Variants in FBXO39 observed in about 807,000 individuals in gnomAD.
FBXO39 encodes the protein F-box only protein 39.
In FBXO39, 22 loss-of-function variants were observed where a neutral mutation model predicts 36.6. The ratio of observed to expected loss-of-function variants is 0.60; its 90% confidence interval spans 0.43 to 0.86. FBXO39 has a LOEUF of 0.86. Among genes scored for constraint, FBXO39 ranks in the 40% least tolerant of loss-of-function variants. FBXO39 has a pLI of 0.00. For synonymous variants in FBXO39, 206 were observed against 205.8 expected (o/e 1.00, Z -0.01); for missense variants, 536 against 543.9 (o/e 0.99, Z 0.14).
rs138181464 is a variant in FBXO39 at position 6,787,253 on chromosome 17, T to TGTGTGTGCGC, written c.1201-46_1201-45insTGTGTGCGCG. ...GTGTGTGTGTATGTGTGTGTGTGTGTGCGTGTGTGCGTGCTCATATGTGGA... is the reference window on the plus strand; with the variant it reads ...GTGTGTGTGTATGTGTGTGTGTGTGTGTGTGTGCGCGCGTGTGTGCGTGCTCATATGTGGA... On this transcript the variant is annotated intron_variant, in intron 3 of 3. Transcript: ENST00000321535. 3,910 of 1,549,284 alleles carry TGTGTGTGCGC rather than the reference T, an allele frequency of 2.5e-3. 16 individuals carry two copies. The highest frequency in any genetic ancestry group is 3.1e-3 in the Non-Finnish European group (3,535 of 1,134,746).
chr17:6,785,676 A>T (rs900495329), intron 2 of FBXO39, among the ~76,000 whole-genome samples: 3 of 152,214 alleles, frequency 2.0e-5, no homozygotes, highest in African/African-American at 4.8e-5. Flanking sequence ...TAATCCAATT[A>T]AAAAATAGGC....
intron 1 of FBXO39, among the ~76,000 whole-genome samples, chr17:6,778,863 A>G (rs185482960): frequency 6.6e-6 from 1 of 152,272 alleles, no homozygotes; most frequent in Non-Finnish European, 1.5e-5. Flanking sequence ...TTCAACAGTT[A>G]CCAAATCGTG....
At position 6,780,721 on chromosome 17, in the gene FBXO39, G is replaced by A. The variant is rs1976497579; in HGVS notation, c.853G>A (p.Val285Met). ...GGCCAGGCAGGCCACCAATCTGAAG[G>A]TGAACTTCTTCTTTGAACGGATCAT... ...KLARQATNLKVNFFFERIMKY... is the reference protein window; with the variant it reads ...KLARQATNLKMNFFFERIMKY... Residue 285 changes from valine to methionine, a missense_variant, in exon 2 of 4, where the codon GTG (valine) becomes ATG (methionine). Val to Met is a conservative substitution (Grantham distance 21). Transcript: ENST00000321535. The A allele has an allele frequency of 6.2e-7, 1 of 1,614,016 alleles. No individual in the cohort carries two copies. The highest frequency in any genetic ancestry group is 1.3e-5 in the African/African-American group (1 of 74,900).
rs541216932 is a variant in FBXO39, at chr17:6,782,060, A to G, written c.1023+1169A>G. Among the ~76,000 whole-genome samples the G allele has an allele frequency of 7.2e-5, 11 of 152,360 alleles. No individual in the cohort carries two copies. In the South Asian group the frequency reaches 2.3e-3, roughly 32 times the overall value. On this transcript the variant is annotated intron_variant, in intron 2 of 3. Coordinates refer to ENST00000321535, the MANE Select transcript of FBXO39 (RefSeq NM_153230.3). Reference sequence around the variant, plus strand: ...GCTGATCGAAAATAATAACAACAACAACTTTTCAAGACATAGACAGTACAG... The same window carrying G: ...GCTGATCGAAAATAATAACAACAACGACTTTTCAAGACATAGACAGTACAG...
rs1451706713 is a variant in FBXO39, at chr17:6,780,633, C to T, written c.765C>T (p.Asn255=). The T allele has an allele frequency of 6.8e-6, 11 of 1,614,044 alleles. No individual in the cohort carries two copies. Among genetic ancestry groups the T allele is most frequent in the Admixed American group, 1.7e-5 (1 of 60,002 alleles). ...CENASTLRTI[N]IKCHVHDPHG... ...ATGCCAGCACCCTCCGGACCATCAA[C>T]ATCAAATGCCACGTTCATGACCCCC... Residue 255 remains asparagine (N), a synonymous_variant, in exon 2 of 4, where the codon AAC becomes AAT. Transcript: ENST00000321535.
chr17:6,784,817 T>C (rs938454345), intron 2 of FBXO39, among the ~76,000 whole-genome samples: 4 of 152,014 alleles, frequency 2.6e-5, no homozygotes. Context: ...ATCAATGTTG[T>C]CAAAATGTTT....
rs551486858 is a variant in FBXO39 at position 6,781,359 on chromosome 17, A to G, written c.1023+468A>G. The stretch of plus-strand genomic sequence containing the variant: ...TAGAATGGGGAGGACCAGGCCAGAC[A>G]AAAAGTCAAATTTGATTTACACAAC... On this transcript the variant is annotated intron_variant, in intron 2 of 3. Transcript: ENST00000321535. 5.3e-5 allele frequency among the ~76,000 whole-genome samples: 8 copies of G among 152,142 alleles called. No individual in the cohort carries two copies. The East Asian group carries it at 1.5e-3, about 29-fold the overall frequency.
intron 3 of FBXO39, 36 bp from the exon 4 acceptor site, chr17:6,787,264 G>A (rs5016848): frequency 0.22 from 353,534 of 1,594,260 alleles, 45,185 homozygotes; most frequent in East Asian, 0.61. Context: ...GCGTGTGTGC[G>A]TGCTCATATG....
At chr17:6,777,761 T>C (rs1013213135) in intron 1 of FBXO39, among the ~76,000 whole-genome samples, 13 of 152,086 alleles carry the variant, frequency 8.5e-5, no homozygotes, top group Admixed American at 2.0e-4. Context: ...GGACACAGAT[T>C]ATACAAAGAG....
In FBXO39 at chr17:6,780,183, C is replaced by T. The variant is rs1257195178; in HGVS notation, c.315C>T (p.Thr105=). The change falls in exon 2 of 4, where the codon ACC becomes ACT. Residue 105 remains threonine, a synonymous_variant. Coordinates refer to ENST00000321535, the MANE Select transcript of FBXO39 (RefSeq NM_153230.3). ...KFMNPYNAVL[T]KKFQVTMRGL... is the part of the protein sequence containing the mutation. ...TGAATCCTTACAATGCTGTCTTGAC[C>T]AAGAAGTTCCAGGTCACCATGCGGG... 1.9e-6 allele frequency: 3 copies of T among 1,614,032 alleles called. No homozygotes were observed. Among genetic ancestry groups the T allele is most frequent in the African/African-American group, 2.7e-5 (2 of 74,888 alleles).
intron 2 of FBXO39, among the ~76,000 whole-genome samples, chr17:6,782,358 AAAG>A (rs1976518707): frequency 6.6e-6 from 1 of 152,196 alleles, no homozygotes; most frequent in Non-Finnish European, 1.5e-5. Flanking sequence ...GGAAGGAAGA[AAAG>A]AAGGAAGAGA....
At chr17:6,787,276 G>A in intron 3 of FBXO39, 24 bp from the exon 4 acceptor site, 5 of 1,609,648 alleles carry the variant, frequency 3.1e-6, no homozygotes, top group South Asian at 1.1e-5. Context: ...GCTCATATGT[G>A]GATGTATTTC....
At chr17:6,777,885 G>A (rs909062328) in intron 1 of FBXO39, among the ~76,000 whole-genome samples, 1 of 152,220 alleles carries the variant, frequency 6.6e-6, no homozygotes, top group Non-Finnish European at 1.5e-5. Context: ...GTCCTTTACG[G>A]AAGTCTGTTC....
chr17:6,781,453 T>G (rs1487468580), intron 2 of FBXO39, among the ~76,000 whole-genome samples: 2 of 152,132 alleles, frequency 1.3e-5, no homozygotes, highest in African/African-American at 4.8e-5. Flanking sequence ...TCAGGATCAT[T>G]TTGTCTTTCC....
In FBXO39 at chr17:6,787,518, T is replaced by C. The variant is rs2151576045; in HGVS notation, c.*90T>C. ...TACACTTGGGCACTGCCGGCCCTTT[T>C]GCTCCTCTCTCTCCCCTCCACTTTT... On this transcript the variant is annotated 3_prime_UTR_variant, in exon 4 of 4. Transcript: ENST00000321535. The C allele has an allele frequency of 6.6e-7, 1 of 1,505,584 alleles. No homozygotes were observed. The highest frequency in any genetic ancestry group is 2.3e-5 in the East Asian group (1 of 43,232). The allele number at this position is 1,505,584 out of a possible 1,614,324, so 93.3% of individuals were successfully genotyped here. A position where few individuals can be genotyped will look rare whatever the true frequency, so the allele number is the denominator to read the frequency against.
chr17:6,787,023 G>A, intron 3 of FBXO39, 67 bp downstream of exon 3: 2 of 1,520,330 alleles, frequency 1.3e-6, no homozygotes, highest in Non-Finnish European at 1.8e-6. Context: ...CTTCTGCTCT[G>A]GAACGAAGGG....
At chr17:6,783,604 T>C (rs574000618) in intron 2 of FBXO39, among the ~76,000 whole-genome samples, 2 of 151,892 alleles carry the variant, frequency 1.3e-5, no homozygotes, top group African/African-American at 2.4e-5. Flanking sequence ...CAAAGGATAA[T>C]TAGAGCCTAT....
At chr17:6,787,238 ATGTGTG>A in intron 3 of FBXO39, 56 bp from the exon 4 acceptor site, 1 of 873,536 alleles carries the variant, frequency 1.1e-6, no homozygotes, top group Non-Finnish European at 1.5e-6. Flanking sequence ...GTGTGTGTGT[ATGTGTG>A]TGTGTGTGTG....
chr17:6,780,162 T>C lies in FBXO39; in HGVS notation c.294T>C (p.Asn98=), dbSNP rs768813963. The C allele has an allele frequency of 1.5e-5, 24 of 1,614,158 alleles. No individual in the cohort carries two copies. Among genetic ancestry groups the C allele is most frequent in the Non-Finnish European group, 1.9e-5 (23 of 1,180,024 alleles). Residue 98 remains asparagine, a synonymous_variant, in exon 2 of 4, where the codon AAT becomes AAC. Coordinates refer to ENST00000321535, the MANE Select transcript of FBXO39 (RefSeq NM_153230.3). Reference sequence around the variant, plus strand: ...AGCACCTGGAGGTCAAATTCATGAATCCTTACAATGCTGTCTTGACCAAGA... The same window carrying C: ...AGCACCTGGAGGTCAAATTCATGAACCCTTACAATGCTGTCTTGACCAAGA... The part of the protein sequence containing the change: ...YLEHLEVKFM[N]PYNAVLTKKF...
Sources: gnomAD v4.1 joint callset for allele counts (sites outside exome capture counted in the v4.1 genomes callset) on GRCh38, gnomAD v4.1.1 for gene constraint, MANE v1.5 for transcripts, NCBI Gene and HGNC (gene_info 2026-07-23, HGNC 2026-07-21) for gene names.